Variants in VTI1A observed in about 807,000 individuals in gnomAD.
VTI1A encodes the protein vesicle transport through interaction with t-SNAREs homolog 1A.
Under a neutral mutation model 34.9 loss-of-function variants are expected in VTI1A, and 22 were observed. The observed-to-expected ratio is 0.63, with a 90% CI of 0.45 to 0.90. VTI1A has a LOEUF of 0.90. VTI1A is among the 40% of genes least tolerant of loss of function. The pLI is 0.00. For synonymous variants in VTI1A, 87 were observed against 97.3 expected, an observed-to-expected ratio of 0.89 and a Z score of 0.62; for missense variants, 268 against 275.6, an observed-to-expected ratio of 0.97 and a Z score of 0.20.
chr10:112,609,123 A>G (rs1845198193), intron 5 of VTI1A, among the ~76,000 whole-genome samples: 1 of 152,170 alleles, frequency 6.6e-6, no homozygotes, highest in Non-Finnish European at 1.5e-5. Flanking sequence ...TTTTATTTCT[A>G]TATCAGTACG....
chr10:112,783,610 C>T (rs1305874700), intron 7 of VTI1A, among the ~76,000 whole-genome samples: 1 of 152,178 alleles, frequency 6.6e-6, no homozygotes, highest in Non-Finnish European at 1.5e-5. Flanking sequence ...GGCTAGTGTT[C>T]TACCTTTTCA....
At chr10:112,683,337 G>C (rs552863764) in intron 7 of VTI1A, among the ~76,000 whole-genome samples, 2 of 152,310 alleles carry the variant, frequency 1.3e-5, no homozygotes, top group Non-Finnish European at 2.9e-5. Flanking sequence ...GCCTGAGTTA[G>C]TAATTGGTAG....
chr10:112,678,593 C>G (rs1444841256), intron 7 of VTI1A, among the ~76,000 whole-genome samples: 3 of 152,162 alleles, frequency 2.0e-5, no homozygotes, highest in African/African-American at 4.8e-5. Context: ...AAATCTCCCC[C>G]TTCTTCGGCT....
intron 7 of VTI1A, among the ~76,000 whole-genome samples, chr10:112,702,545 G>C (rs895015962): frequency 2.0e-5 from 3 of 151,578 alleles, no homozygotes; most frequent in Non-Finnish European, 2.9e-5. Flanking sequence ...TCAGCCTCCC[G>C]AGTAGCTGGG....
intron 3 of VTI1A, among the ~76,000 whole-genome samples, chr10:112,474,154 C>T (rs1455024432): frequency 6.6e-6 from 1 of 152,014 alleles, no homozygotes; most frequent in African/African-American, 2.4e-5. Flanking sequence ...CTCCGCCTCC[C>T]GGGCTCATGC....
In VTI1A at chr10:112,750,313, C is replaced by A. The variant is rs558487056; in HGVS notation, c.561-64977C>A. Among the ~76,000 whole-genome samples, 4 of 152,292 alleles carry A rather than the reference C, an allele frequency of 2.6e-5. No individual in the cohort carries two copies. In the East Asian group the frequency reaches 7.7e-4, roughly 29 times the overall value. Reference sequence around the variant, plus strand: ...AAATGATCTCCCCACTTCAACCTCCCAAGTAGCTAGGACTATAGGCATGCA... The same window carrying A: ...AAATGATCTCCCCACTTCAACCTCCAAAGTAGCTAGGACTATAGGCATGCA... On this transcript the variant is annotated intron_variant, in intron 7 of 7. Transcript: ENST00000393077.
chr10:112,821,795 G>A (rs1264037168), downstream of VTI1A, among the ~76,000 whole-genome samples: 1 of 152,234 alleles, frequency 6.6e-6, no homozygotes, highest in Non-Finnish European at 1.5e-5. Context: ...GACCAGCAGA[G>A]ACCAAAGCCT....
intron 7 of VTI1A, among the ~76,000 whole-genome samples, chr10:112,757,286 T>C (rs1851316218): frequency 6.6e-6 from 1 of 151,192 alleles, no homozygotes; most frequent in African/African-American, 2.4e-5. Flanking sequence ...ACTTGCCCAT[T>C]TTCCAACTTA....
At chr10:112,766,599 G>C (rs1851653402) in intron 7 of VTI1A, among the ~76,000 whole-genome samples, 1 of 151,568 alleles carries the variant, frequency 6.6e-6, no homozygotes, top group African/African-American at 2.4e-5. Context: ...ATACTTCAAA[G>C]AGGAGAGAAA....
At chr10:112,535,208 T>C (rs1850577328) in intron 4 of VTI1A, among the ~76,000 whole-genome samples, 1 of 152,248 alleles carries the variant, frequency 6.6e-6, no homozygotes, top group Non-Finnish European at 1.5e-5. Context: ...AATTGAATTA[T>C]AATTGGAAAA....
intron 4 of VTI1A, among the ~76,000 whole-genome samples, chr10:112,529,643 A>G (rs1850356617): frequency 2.0e-5 from 3 of 152,104 alleles, no homozygotes; most frequent in Admixed American, 2.0e-4. Context: ...CTTCTTATCC[A>G]TGGAATACTA....
Position 112,767,683 on chromosome 10 carries a change from CT to C in VTI1A, c.561-47596del, listed in dbSNP as rs112537601. Among the ~76,000 whole-genome samples, 197 of 147,296 alleles carry C rather than the reference CT, an allele frequency of 1.3e-3. No individual in the cohort carries two copies. The highest frequency in any genetic ancestry group is 4.3e-3 in the African/African-American group (173 of 40,424). The stretch of plus-strand genomic sequence containing the variant: ...CTGCCTACCTTATTTCTTCCTTACT[CT>C]TTTTTTTTTTCTGTTTCTCTGTATT... On this transcript the variant is annotated intron_variant, in intron 7 of 7. Transcript: ENST00000393077. The surrounding 1 kb of genome is among the most constrained non-coding windows in gnomAD (Gnocchi z 4.0).
chr10:112,679,794 A>T (rs1008151852), intron 7 of VTI1A, among the ~76,000 whole-genome samples: 1 of 151,764 alleles, frequency 6.6e-6, no homozygotes, highest in African/African-American at 2.4e-5. Context: ...TCAACCATTT[A>T]ATTCCCAAAT....
chr10:112,571,414 A>G (rs1852113219), intron 5 of VTI1A, among the ~76,000 whole-genome samples: 1 of 152,230 alleles, frequency 6.6e-6, no homozygotes, highest in South Asian at 2.1e-4. Context: ...CATGCATTAT[A>G]AGATAGCAGT....
intron 5 of VTI1A, among the ~76,000 whole-genome samples, chr10:112,564,771 T>C (rs1020410770): frequency 6.6e-6 from 1 of 152,058 alleles, no homozygotes; most frequent in Admixed American, 6.6e-5. Context: ...AAAATAACAA[T>C]AAAGTTGACT....
intron 1 of VTI1A, among the ~76,000 whole-genome samples, chr10:112,456,397 G>C (rs1196823963): frequency 6.9e-6 from 1 of 144,136 alleles, no homozygotes; most frequent in East Asian, 2.0e-4. Context: ...ACTCCAGGCT[G>C]GGTGACAAAG....
intron 5 of VTI1A, among the ~76,000 whole-genome samples, chr10:112,563,302 G>A (rs983671307): frequency 2.6e-5 from 4 of 152,156 alleles, no homozygotes; most frequent in Non-Finnish European, 5.9e-5. Flanking sequence ...AGTTAAGACT[G>A]CAAACAAAGA....
At chr10:112,683,613 TCA>T (rs1848297668) in intron 7 of VTI1A, among the ~76,000 whole-genome samples, 1 of 152,224 alleles carries the variant, frequency 6.6e-6, no homozygotes, top group Non-Finnish European at 1.5e-5. Flanking sequence ...TTCCAATCTT[TCA>T]GTCATGTTTC....
At chr10:112,754,999 G>C (rs767714550) in intron 7 of VTI1A, among the ~76,000 whole-genome samples, 2 of 152,190 alleles carry the variant, frequency 1.3e-5, no homozygotes, top group African/African-American at 4.8e-5. Flanking sequence ...GCTCATGCCT[G>C]TAATCCCAGC....
Sources: gnomAD v4.1 joint callset for allele counts (sites outside exome capture counted in the v4.1 genomes callset) on GRCh38, gnomAD v4.1.1 for gene constraint, Gnocchi (gnomAD v3.1) non-coding constraint, MANE v1.5 for transcripts, NCBI Gene and HGNC (gene_info 2026-07-23, HGNC 2026-07-21) for gene names.